ZC3H7B: variants seen among roughly 807,000 people sequenced by gnomAD.
The protein encoded by ZC3H7B is zinc finger CCCH domain-containing protein 7B.
A neutral mutation model predicts 116.0 loss-of-function variants in ZC3H7B; 35 were observed. The ratio of observed to expected loss-of-function variants is 0.30; its 90% CI spans 0.23 to 0.40. The LOEUF is 0.40. Ranked by LOEUF, ZC3H7B falls within the 10% of genes least tolerant of loss-of-function variation. ZC3H7B has a pLI of 1.00. For synonymous variants in ZC3H7B, 502 were observed against 545.6 expected (o/e 0.92, Z 1.11); for missense variants, 1,011 against 1,321.5 (o/e 0.77, Z 3.64).
intron 1 of ZC3H7B, among the ~76,000 whole-genome samples, chr22:41,317,180 A>G (rs2145905674): frequency 1.3e-5 from 2 of 151,816 alleles, no homozygotes; most frequent in South Asian, 4.2e-4. Context: ...GGGTTTCACC[A>G]TGTTGGCCAG....
In ZC3H7B at chr22:41,339,879, G is replaced by C; in HGVS notation, c.880G>C (p.Val294Leu). Residue 294 changes from valine (V) to leucine (L), a missense_variant, in exon 10 of 23, where the codon GTG (valine) becomes CTG (leucine). By Grantham distance (32) the Val-to-Leu change is conservative (BLOSUM62 1). This residue lies in a region of ZC3H7B where 322 missense variants were observed against 443.9 expected (regional missense o/e 0.73). Coordinates refer to ENST00000352645, the MANE Select transcript of ZC3H7B (RefSeq NM_017590.6). ...VPSELPQLIP[V>L]FPGGTPLLPP... ...TAGTGAGTTGCCCCAGCTGATACCC[G>C]TGTTCCCCGGCGGGACCCCACTGCT... is the stretch of plus-strand genomic sequence containing the variant. 1 of 1,613,632 alleles carries C rather than the reference G, an allele frequency of 6.2e-7. No individual in the cohort carries two copies. The highest frequency in any genetic ancestry group is 8.5e-7 in the Non-Finnish European group (1 of 1,179,876).
At position 41,357,474 on chromosome 22, in the gene ZC3H7B, G is replaced by T; in HGVS notation, c.*45G>T. 1 of 1,595,094 alleles carries T rather than the reference G, an allele frequency of 6.3e-7. No individual in the cohort carries two copies. The highest frequency in any genetic ancestry group is 8.5e-7 in the Non-Finnish European group (1 of 1,172,936). On this transcript the variant is annotated 3_prime_UTR_variant, in exon 23 of 23. Transcript: ENST00000352645. This position sits in a 1 kb window ranked among gnomAD's most constrained non-coding sequence, Gnocchi z 5.4. ...GTGAAGTCCTGGGGTCAGGGGGTGG[G>T]GTGGGGCCAGAAGGCCTGATAGAAG...
Position 41,346,089 on chromosome 22 carries a change from C to A in ZC3H7B, c.1546C>A (p.Arg516=). The A allele has an allele frequency of 6.2e-7, 1 of 1,613,848 alleles. No individual in the cohort carries two copies. The highest frequency in any genetic ancestry group is 1.1e-5 in the South Asian group (1 of 91,080). Residue 516 remains arginine (R), a synonymous_variant, in exon 14 of 23, where the codon CGG becomes AGG. Transcript: ENST00000352645. This position sits in a 1 kb window ranked among gnomAD's most constrained non-coding sequence, Gnocchi z 5.3. The stretch of plus-strand genomic sequence containing the variant: ...GGAGATCGACGTGTGGACCGAGGAG[C>A]GGAAGGGCACCCTCAACCGCGACCT... ...QEEIDVWTEE[R]KGTLNRDLLF...
intron 22 of ZC3H7B, 53 bp downstream of exon 22, chr22:41,356,861 G>C (rs908513295): frequency 6.2e-7 from 1 of 1,607,434 alleles, no homozygotes; most frequent in Admixed American, 1.7e-5. Context: ...CGAGGAGATG[G>C]AGTCCGTGGC....
chr22:41,336,830 C>T (rs906408156), intron 7 of ZC3H7B: 2 of 149,522 alleles, frequency 1.3e-5, no homozygotes, highest in African/African-American at 4.9e-5. Context: ...GGTGACCAAA[C>T]GAGACTCCAT....
In ZC3H7B at chr22:41,346,317, G is replaced by C; in HGVS notation, c.1665+109G>C. Reference sequence around the variant, plus strand: ...AAGTCAGCCCTGGAACCCGTGGGCTGTGGAGGCCTGGTCTTAGAACCAGTA... The same window carrying C: ...AAGTCAGCCCTGGAACCCGTGGGCTCTGGAGGCCTGGTCTTAGAACCAGTA... On this transcript the variant is annotated intron_variant, in intron 14 of 22. Transcript: ENST00000352645. This position sits in a 1 kb window ranked among gnomAD's most constrained non-coding sequence, Gnocchi z 5.3. 1 of 1,255,622 alleles carries C rather than the reference G, an allele frequency of 8.0e-7. No homozygotes were observed. The highest frequency in any genetic ancestry group is 2.1e-5 in the Admixed American group (1 of 48,654). 77.8% of individuals were successfully genotyped at this position (1,255,622 alleles called of 1,614,324 possible).
chr22:41,357,232 C>T lies in ZC3H7B; in HGVS notation c.2737C>T (p.Gln913Ter). Residue 913 changes from glutamine to a stop codon, truncating the protein, a stop_gained, in exon 23 of 23, where the codon CAG becomes TAG. Coordinates refer to ENST00000352645, the MANE Select transcript of ZC3H7B (RefSeq NM_017590.6). LOFTEE classifies it high-confidence loss of function. This position sits in a 1 kb window ranked among gnomAD's most constrained non-coding sequence, Gnocchi z 5.4. ...GGACAAGTGCCGCTGCGCCCATGGA[C>T]AGGAGGAGCTCAACGAGTGGCTGGA... ...DGDKCRCAHG[Q>*]EELNEWLDRR... is the part of the protein sequence containing the mutation. 6.2e-7 allele frequency: 1 copy of T among 1,613,770 alleles called. No individual in the cohort carries two copies. Among genetic ancestry groups the T allele is most frequent in the Non-Finnish European group, 8.5e-7 (1 of 1,179,926 alleles).
chr22:41,331,703 T>G (rs2036386696), intron 6 of ZC3H7B, among the ~76,000 whole-genome samples: 1 of 151,814 alleles, frequency 6.6e-6, no homozygotes, highest in Non-Finnish European at 1.5e-5. Flanking sequence ...AAACCGTATC[T>G]CTACAAAAAG....
chr22:41,333,195 T>A (rs2052815383), intron 7 of ZC3H7B: 1 of 152,260 alleles, frequency 6.6e-6, no homozygotes, highest in Admixed American at 6.5e-5. Flanking sequence ...CAGCACTTTC[T>A]TTCATTCATT....
At chr22:41,329,755 A>T (rs980438805) in intron 5 of ZC3H7B, among the ~76,000 whole-genome samples, 1 of 152,238 alleles carries the variant, frequency 6.6e-6, no homozygotes, top group Non-Finnish European at 1.5e-5. Flanking sequence ...TTTTAGAAAT[A>T]AAAAGATTAT....
rs79651045 is a variant in ZC3H7B, at chr22:41,346,225, C to G, written c.1665+17C>G. ...CTCTGCGAGGTACTGCCCACCCACC[C>G]ACTGCCACCCCATAGGCCATGGCAC... On this transcript the variant is annotated intron_variant, in intron 14 of 22. Coordinates refer to ENST00000352645, the MANE Select transcript of ZC3H7B (RefSeq NM_017590.6). This position sits in a 1 kb window ranked among gnomAD's most constrained non-coding sequence, Gnocchi z 5.3. 2,760 of 1,606,052 alleles carry G rather than the reference C, an allele frequency of 1.7e-3. 39 individuals are homozygous for G. In the African/African-American group the frequency reaches 0.032, roughly 19 times the overall value.
intron 6 of ZC3H7B, among the ~76,000 whole-genome samples, chr22:41,330,469 C>G (rs2036367502): frequency 6.6e-6 from 1 of 152,178 alleles, no homozygotes; most frequent in Non-Finnish European, 1.5e-5. Context: ...TGGTTCAGTT[C>G]CACATAGATT....
In ZC3H7B at chr22:41,342,534, G is replaced by A; in HGVS notation, c.1203G>A (p.Glu401=). The change falls in exon 12 of 23, where the codon GAG becomes GAA. Residue 401 remains glutamate (E), a synonymous_variant. Coordinates refer to ENST00000352645, the MANE Select transcript of ZC3H7B (RefSeq NM_017590.6). ...CCTCCTTCCTCCTGTCACAGCCAGA[G>A]CCCTGCATGCCCAACACTGCCTTGC... ...SGAQKPAPSP[E]PCMPNTALLI... 1 of 1,612,978 alleles carries A rather than the reference G, an allele frequency of 6.2e-7. No homozygotes were observed. Among genetic ancestry groups the A allele is most frequent in the Middle Eastern group, 1.6e-4 (1 of 6,062 alleles).
chr22:41,323,133 C>T (rs2036277975), intron 2 of ZC3H7B, among the ~76,000 whole-genome samples: 1 of 152,184 alleles, frequency 6.6e-6, no homozygotes, highest in Non-Finnish European at 1.5e-5. Flanking sequence ...GTTTTGGGTG[C>T]ACCTAGAGCA....
Position 41,339,896 on chromosome 22 carries a change from C to G in ZC3H7B, c.897C>G (p.Thr299=). 1.2e-6 allele frequency: 2 copies of G among 1,613,836 alleles called. No individual in the cohort carries two copies. The highest frequency in any genetic ancestry group is 1.7e-6 in the Non-Finnish European group (2 of 1,179,968). ...TGATACCCGTGTTCCCCGGCGGGAC[C>G]CCACTGCTACCACCTGTGGTGGGTG... ...PQLIPVFPGG[T]PLLPPVVGGS... is the part of the protein sequence containing the mutation. Residue 299 remains threonine (T), a synonymous_variant, in exon 10 of 23, where the codon ACC becomes ACG. Coordinates refer to ENST00000352645, the MANE Select transcript of ZC3H7B (RefSeq NM_017590.6).
chr22:41,349,390 G>C lies in ZC3H7B; in HGVS notation c.1948+89G>C. The C allele has an allele frequency of 6.5e-7, 1 of 1,528,214 alleles. No homozygotes were observed. Among genetic ancestry groups the C allele is most frequent in the Non-Finnish European group, 8.8e-7 (1 of 1,129,984 alleles). The allele number at this position is 1,528,214 out of a possible 1,614,324, so 94.7% of individuals were successfully genotyped here. ...AAGGGAGCGCAGGACTGACTGGGGT[G>C]ACAGGCCAGGGCCCCATGGTCGCTG... On this transcript the variant is annotated intron_variant, in intron 16 of 22. Transcript: ENST00000352645. This position sits in a 1 kb window ranked among gnomAD's most constrained non-coding sequence, Gnocchi z 4.9.
Position 41,351,215 on chromosome 22 carries a change from A to T in ZC3H7B, c.1949-346A>T, listed in dbSNP as rs895443078. ...TAGGCTTGCAGCCCTGTTGAGGGAGATGGGGGTCAGGGAAGGGTGCTGAGT... is the reference window on the plus strand; with the variant it reads ...TAGGCTTGCAGCCCTGTTGAGGGAGTTGGGGGTCAGGGAAGGGTGCTGAGT... On this transcript the variant is annotated intron_variant, in intron 16 of 22. Coordinates refer to ENST00000352645, the MANE Select transcript of ZC3H7B (RefSeq NM_017590.6). This position sits in a 1 kb window ranked among gnomAD's most constrained non-coding sequence, Gnocchi z 5.1. Among the ~76,000 whole-genome samples the T allele has an allele frequency of 1.3e-5, 2 of 152,098 alleles. No homozygotes were observed. The highest frequency in any genetic ancestry group is 2.9e-5 in the Non-Finnish European group (2 of 68,016).
Position 41,355,828 on chromosome 22 carries a change from T to C in ZC3H7B, c.2240T>C (p.Leu747Pro), listed in dbSNP as rs1350185361. The C allele has an allele frequency of 8.7e-6, 14 of 1,613,560 alleles. No homozygotes were observed. The highest frequency in any genetic ancestry group is 8.5e-6 in the Non-Finnish European group (10 of 1,180,014). Residue 747 changes from leucine to proline, a missense_variant, in exon 19 of 23, where the codon CTG (leucine) becomes CCG (proline). By Grantham distance (98) the Leu-to-Pro change is moderately conservative. Around this residue, in one of 5 missense-constraint regions of ZC3H7B, gnomAD observed 406 missense variants for 590.2 expected, o/e 0.69. Coordinates refer to ENST00000352645, the MANE Select transcript of ZC3H7B (RefSeq NM_017590.6). ...AGGAAATGGGTGTCAGTGAGGCCAC[T>C]GCCATCCATTCGTAACTTCCCACAG... ...AKRKWVSVRP[L>P]PSIRNFPQQY...
intron 1 of ZC3H7B, among the ~76,000 whole-genome samples, chr22:41,311,595 G>A (rs1290853278): frequency 6.6e-6 from 1 of 152,082 alleles, no homozygotes; most frequent in African/African-American, 2.4e-5. Context: ...CAGCCTGGGT[G>A]TTGGACTTCC....
Sources: allele counts gnomAD v4.1 joint callset (sites outside exome capture counted in the v4.1 genomes callset), GRCh38; gene constraint gnomAD v4.1.1; regional missense constraint gnomAD v4.1.1; non-coding constraint Gnocchi (gnomAD v3.1); transcripts MANE v1.5; gene names NCBI Gene and HGNC (gene_info 2026-07-23, HGNC 2026-07-21).